The following AKT3 variants were observed in gnomAD, a reference collection of about 807,000 sequenced individuals.
The protein encoded by AKT3 is AKT serine/threonine kinase 3.
AKT3 carries 15 observed loss-of-function variants against 65.3 expected under a neutral mutation model. That is an observed-to-expected ratio of 0.23 (90% CI 0.15 to 0.35). The LOEUF is 0.35. AKT3 is among the 10% of genes least tolerant of loss of function. The pLI, the probability that AKT3 is intolerant of heterozygous loss-of-function variation, is 1.00. For missense variants in AKT3, 243 were observed against 576.5 expected (o/e 0.42, Z 5.92); for synonymous variants, 206 against 183.8 (o/e 1.12, Z -0.98).
At chr1:243,527,901 AC>A (rs1558590075) in intron 12 of AKT3, among the ~76,000 whole-genome samples, 15 of 115,046 alleles carry the variant, frequency 1.3e-4, no homozygotes, top group African/African-American at 6.1e-4. Context: ...ACACACACAC[AC>A]ACACACACAC....
chr1:243,623,715 C>T (rs1237410472), intron 6 of AKT3, among the ~76,000 whole-genome samples: 4 of 152,150 alleles, frequency 2.6e-5, no homozygotes, highest in Non-Finnish European at 5.9e-5. Flanking sequence ...CATCAGCTTC[C>T]CAGGGAACTT....
intron 3 of AKT3, among the ~76,000 whole-genome samples, chr1:243,670,550 A>G (rs1683089332): frequency 6.6e-6 from 1 of 152,200 alleles, no homozygotes; most frequent in Non-Finnish European, 1.5e-5. Flanking sequence ...AAGGTAGGGC[A>G]ATTTAAATTT....
At chr1:243,823,829 T>A (rs1268774232) in intron 2 of AKT3, among the ~76,000 whole-genome samples, 1 of 152,236 alleles carries the variant, frequency 6.6e-6, no homozygotes, top group Non-Finnish European at 1.5e-5. Flanking sequence ...ATGGTCATAC[T>A]GCCTAAAATA....
chr1:243,777,336 T>C (rs983890755), intron 2 of AKT3, among the ~76,000 whole-genome samples: 1 of 152,180 alleles, frequency 6.6e-6, no homozygotes. Context: ...CAGGTGGTAA[T>C]GCACACCTCC....
At chr1:243,557,427 A>C (rs776450297) in intron 10 of AKT3, among the ~76,000 whole-genome samples, 5 of 152,084 alleles carry the variant, frequency 3.3e-5, no homozygotes, top group Non-Finnish European at 7.4e-5. Flanking sequence ...AGACCATATA[A>C]CATTGAAAAG....
At chr1:243,562,649 G>C (rs1673877414) in intron 10 of AKT3, among the ~76,000 whole-genome samples, 1 of 152,042 alleles carries the variant, frequency 6.6e-6, no homozygotes, top group African/African-American at 2.4e-5. Context: ...TCATTATGAG[G>C]AAGTCCAGAC....
At chr1:243,712,055 T>G (rs772551447) in intron 2 of AKT3, among the ~76,000 whole-genome samples, 31 of 152,164 alleles carry the variant, frequency 2.0e-4, no homozygotes, top group Non-Finnish European at 3.4e-4. Context: ...CCCTCTCACT[T>G]TAATAACAAA....
rs1694512064 is a variant in AKT3, at chr1:243,831,608, G to T, written c.46+11517C>A. Among the ~76,000 whole-genome samples the T allele has an allele frequency of 2.6e-5, 4 of 152,238 alleles. No individual in the cohort carries two copies. The South Asian group carries it at 8.3e-4, about 32-fold the overall frequency. On this transcript the variant is annotated intron_variant, in intron 2 of 13. Coordinates refer to ENST00000673466, the MANE Select transcript of AKT3 (RefSeq NM_005465.7). ...AAAGAAAGTTTCTCTATGTCAAAGGGTATAGAAACTATGGAAACAGTTACT... is the reference window on the plus strand; with the variant it reads ...AAAGAAAGTTTCTCTATGTCAAAGGTTATAGAAACTATGGAAACAGTTACT...
intron 2 of AKT3, among the ~76,000 whole-genome samples, chr1:243,766,009 A>G (rs1196658145): frequency 6.6e-6 from 1 of 152,200 alleles, no homozygotes; most frequent in Non-Finnish European, 1.5e-5. Context: ...AAGAGGTTTA[A>G]GCATTTCTTC....
intron 6 of AKT3, among the ~76,000 whole-genome samples, chr1:243,623,240 G>C (rs1437617839): frequency 6.6e-6 from 1 of 152,182 alleles, no homozygotes; most frequent in Non-Finnish European, 1.5e-5. Context: ...TGAAGGTACT[G>C]CTTGCCTATG....
intron 2 of AKT3, among the ~76,000 whole-genome samples, chr1:243,829,372 C>A (rs922484435): frequency 6.6e-6 from 1 of 152,060 alleles, no homozygotes; most frequent in African/African-American, 2.4e-5. Flanking sequence ...CCTCAATGGT[C>A]TCCTTGAATG....
intron 4 of AKT3, among the ~76,000 whole-genome samples, chr1:243,655,280 G>A (rs961251282): frequency 6.6e-6 from 1 of 151,708 alleles, no homozygotes; most frequent in Non-Finnish European, 1.5e-5. Flanking sequence ...GAATTTCTAT[G>A]GGGCTCTTTC....
intron 2 of AKT3, among the ~76,000 whole-genome samples, chr1:243,803,644 GTACACA>G (rs1407119104): frequency 1.1e-4 from 10 of 87,838 alleles, no homozygotes; most frequent in African/African-American, 4.4e-4. Context: ...AGACGTACAT[GTACACA>G]CACACACACA....
chr1:243,650,866 G>A (rs1268334749), intron 4 of AKT3, among the ~76,000 whole-genome samples: 2 of 152,088 alleles, frequency 1.3e-5, no homozygotes, highest in African/African-American at 4.8e-5. Context: ...TTTTTGCTCA[G>A]GATTGTCTTG....
intron 3 of AKT3, among the ~76,000 whole-genome samples, chr1:243,691,875 T>C (rs1684712981): frequency 6.6e-6 from 1 of 152,120 alleles, no homozygotes; most frequent in Non-Finnish European, 1.5e-5. Context: ...AGTCAACGTG[T>C]CCGCCCAAGA....
chr1:243,662,397 T>A (rs1031221658), intron 4 of AKT3, among the ~76,000 whole-genome samples: 8 of 151,990 alleles, frequency 5.3e-5, no homozygotes, highest in Non-Finnish European at 1.2e-4. Context: ...TGAGTTCATG[T>A]CCTTTGTAGG....
At chr1:243,576,863 T>C (rs1294713524) in intron 8 of AKT3, among the ~76,000 whole-genome samples, 5 of 152,060 alleles carry the variant, frequency 3.3e-5, no homozygotes, top group African/African-American at 1.2e-4. Context: ...TTCACAGAAT[T>C]AGAAAAAAAC....
chr1:243,792,058 C>G (rs1691663028), intron 2 of AKT3, among the ~76,000 whole-genome samples: 1 of 152,138 alleles, frequency 6.6e-6, no homozygotes, highest in Non-Finnish European at 1.5e-5. Context: ...AACATTTGAT[C>G]TAGGGGTCAA....
At chr1:243,740,236 A>G (rs1475218587) in intron 2 of AKT3, among the ~76,000 whole-genome samples, 2 of 152,226 alleles carry the variant, frequency 1.3e-5, no homozygotes, top group African/African-American at 4.8e-5. Flanking sequence ...TTTGTGTTTT[A>G]TAGGTTCTTT....
Sources: allele counts gnomAD v4.1 joint callset (sites outside exome capture counted in the v4.1 genomes callset), GRCh38; gene constraint gnomAD v4.1.1; transcripts MANE v1.5; gene names NCBI Gene and HGNC (gene_info 2026-07-23, HGNC 2026-07-21).